Variants in SHQ1 observed in about 807,000 individuals in gnomAD.
The protein encoded by SHQ1 is SHQ1, H/ACA ribonucleoprotein assembly factor.
A neutral mutation model predicts 53.8 loss-of-function variants in SHQ1; 49 were observed. The observed-to-expected ratio is 0.91, with a 90% CI of 0.72 to 1.16. SHQ1 has a LOEUF of 1.16. Ranked by LOEUF, SHQ1 falls within the 50% of genes most tolerant of loss-of-function variation. The probability of loss-of-function intolerance (pLI) is 0.00; values close to 1 mark genes in which losing one functional copy is unlikely to be tolerated. For synonymous variants in SHQ1, 243 were observed against 251.0 expected (o/e 0.97, Z 0.30); for missense variants, 738 against 683.1 (o/e 1.08, Z -0.90).
At chr3:72,793,506 C>T (rs76597504) in intron 9 of SHQ1, 4 of 126,412 alleles carry the variant, frequency 3.2e-5, no homozygotes, top group East Asian at 2.2e-4. Flanking sequence ...GACTCCATCT[C>T]GAAAAAAAAA....
chr3:72,840,514 C>T (rs1708146581), intron 4 of SHQ1, among the ~76,000 whole-genome samples: 1 of 151,022 alleles, frequency 6.6e-6, no homozygotes, highest in Non-Finnish European at 1.5e-5. Flanking sequence ...CGAGATCGTG[C>T]CACTGCACTG....
At chr3:72,792,457 A>G (rs1334586103) in intron 10 of SHQ1, among the ~76,000 whole-genome samples, 1 of 152,108 alleles carries the variant, frequency 6.6e-6, no homozygotes, top group African/African-American at 2.4e-5. Context: ...GTTGCTTTTT[A>G]GTGTTTGGTA....
At chr3:72,813,115 T>A (rs1451559741) in intron 8 of SHQ1, among the ~76,000 whole-genome samples, 1 of 152,166 alleles carries the variant, frequency 6.6e-6, no homozygotes, top group Non-Finnish European at 1.5e-5. Context: ...ATAAAGGACA[T>A]TTTAATATAA....
At chr3:72,791,098 C>T (rs1048279018) in intron 10 of SHQ1, among the ~76,000 whole-genome samples, 5 of 152,100 alleles carry the variant, frequency 3.3e-5, no homozygotes, top group Admixed American at 2.0e-4. Flanking sequence ...TAAAGAATAT[C>T]ACAAAGAGAG....
chr3:72,790,246 G>A (rs901308664), intron 10 of SHQ1, among the ~76,000 whole-genome samples: 9 of 152,186 alleles, frequency 5.9e-5, no homozygotes, highest in Non-Finnish European at 1.0e-4. Context: ...AACCTAGTAC[G>A]AAAGCAGAAG....
At chr3:72,759,488 C>G (rs555411903) in intron 10 of SHQ1, among the ~76,000 whole-genome samples, 1 of 151,986 alleles carries the variant, frequency 6.6e-6, no homozygotes, top group Non-Finnish European at 1.5e-5. Context: ...GTCAGGAGTT[C>G]GAGACCAGCC....
chr3:72,750,348 C>T lies in SHQ1; in HGVS notation c.1670G>A (p.Gly557Asp). 3.1e-6 allele frequency: 5 copies of T among 1,614,156 alleles called. No homozygotes were observed. The highest frequency in any genetic ancestry group is 4.2e-6 in the Non-Finnish European group (5 of 1,180,026). ...KTTVQVSEPK[G>D]TTAVNRSNIQ... The stretch of plus-strand genomic sequence containing the variant: ...ATTGCTGCGGTTTACAGCAGTGGTG[C>T]CCTTGGGTTCAGAAACCTGAACTGT... The change falls in exon 11 of 11, where the codon GGC becomes GAC. Residue 557 changes from glycine (G) to aspartate (D), a missense_variant. Gly to Asp is a moderately conservative substitution (Grantham distance 94). Coordinates refer to ENST00000325599, the MANE Select transcript of SHQ1 (RefSeq NM_018130.3).
chr3:72,831,116 G>C (rs1046256706), intron 5 of SHQ1, among the ~76,000 whole-genome samples: 2 of 152,202 alleles, frequency 1.3e-5, no homozygotes, highest in Admixed American at 6.5e-5. Flanking sequence ...CAATTGGAGA[G>C]ATAAAGGTAA....
the SHQ1 span, among the ~76,000 whole-genome samples, chr3:72,732,216 G>A: frequency 6.6e-6 from 1 of 151,476 alleles, no homozygotes; most frequent in Non-Finnish European, 1.5e-5. Flanking sequence ...TGCAGGCCTG[G>A]CTTGGAGGTG....
At chr3:72,779,340 C>T (rs2106754331) in intron 10 of SHQ1, among the ~76,000 whole-genome samples, 1 of 152,278 alleles carries the variant, frequency 6.6e-6, no homozygotes, top group East Asian at 1.9e-4. Flanking sequence ...TTTAGGTTAA[C>T]TCCTACTTGT....
chr3:72,813,213 T>G (rs1195827863), intron 8 of SHQ1, among the ~76,000 whole-genome samples: 1 of 152,160 alleles, frequency 6.6e-6, no homozygotes, highest in East Asian at 1.9e-4. Flanking sequence ...GGCTCATGCC[T>G]GTAAAGCACT....
intron 9 of SHQ1, among the ~76,000 whole-genome samples, chr3:72,803,668 AG>A (rs1706857682): frequency 6.6e-6 from 1 of 152,226 alleles, no homozygotes; most frequent in South Asian, 2.1e-4. Context: ...TTGGCTTTGC[AG>A]GACAATCTCT....
At chr3:72,833,056 C>T (rs563775335) in intron 4 of SHQ1, among the ~76,000 whole-genome samples, 2 of 152,258 alleles carry the variant, frequency 1.3e-5, no homozygotes, top group East Asian at 1.9e-4. Flanking sequence ...ATCCCACATG[C>T]GAAATGCTCC....
At chr3:72,815,127 TCTCCATCCTC>T (rs1247329157) in intron 8 of SHQ1, among the ~76,000 whole-genome samples, 1 of 151,994 alleles carries the variant, frequency 6.6e-6, no homozygotes, top group East Asian at 1.9e-4. Flanking sequence ...ACAAACCATG[TCTCCATCCTC>T]TCTCCAAAGT....
Position 72,779,972 on chromosome 3 carries a change from T to C in SHQ1, c.1181+12944A>G, listed in dbSNP as rs77883599. Reference sequence around the variant, plus strand: ...GTACAAGGCCAGGCGAGGTGGCTCATGCCTATAATCCTAGCACTTTTGGGA... The same window carrying C: ...GTACAAGGCCAGGCGAGGTGGCTCACGCCTATAATCCTAGCACTTTTGGGA... On this transcript the variant is annotated intron_variant, in intron 10 of 10. Transcript: ENST00000325599. Among the ~76,000 whole-genome samples the C allele has an allele frequency of 5.1e-3, 782 of 152,328 alleles. 10 individuals are homozygous for C. The highest frequency in any genetic ancestry group is 0.018 in the African/African-American group (752 of 41,578).
chr3:72,791,689 A>G (rs1211170658), intron 10 of SHQ1, among the ~76,000 whole-genome samples: 1 of 152,114 alleles, frequency 6.6e-6, no homozygotes, highest in Non-Finnish European at 1.5e-5. Context: ...AGTCATTCCA[A>G]TTAAGAGTTC....
chr3:72,817,136 C>A, intron 7 of SHQ1, 94 bp downstream of exon 7: 1 of 1,351,382 alleles, frequency 7.4e-7, no homozygotes, highest in South Asian at 1.6e-5. Flanking sequence ...AACTGATCAC[C>A]ACCAGTTCTA....
the SHQ1 span, among the ~76,000 whole-genome samples, chr3:72,728,799 TA>T: frequency 1.3e-5 from 2 of 152,186 alleles, no homozygotes; most frequent in Admixed American, 1.3e-4. Flanking sequence ...CCTTTCAGTG[TA>T]AGTCCCTCCT....
intron 10 of SHQ1, among the ~76,000 whole-genome samples, chr3:72,778,873 T>A (rs1706015458): frequency 6.6e-6 from 1 of 152,200 alleles, no homozygotes; most frequent in African/African-American, 2.4e-5. Flanking sequence ...TATCATTCAT[T>A]CAGCTGTGCA....
Sources: gnomAD v4.1 joint callset for allele counts (sites outside exome capture counted in the v4.1 genomes callset) on GRCh38, gnomAD v4.1.1 for gene constraint, MANE v1.5 for transcripts, NCBI Gene and HGNC (gene_info 2026-07-23, HGNC 2026-07-21) for gene names.